The following FXYD1 variants were observed in gnomAD, a reference collection of about 807,000 sequenced individuals.
FXYD1 encodes the protein FXYD domain containing ion transport regulator 1.
Under a neutral mutation model 17.2 loss-of-function variants are expected in FXYD1, and 9 were observed. The ratio of observed to expected loss-of-function variants is 0.52; its 90% CI spans 0.32 to 0.91. The LOEUF (loss-of-function observed/expected upper bound fraction) is 0.91, where lower values mean the gene tolerates loss of function less well. Among genes scored for constraint, FXYD1 ranks in the 40% least tolerant of loss-of-function variants. The pLI, the probability that FXYD1 is intolerant of heterozygous loss-of-function variation, is 0.04. For synonymous variants in FXYD1, 55 were observed against 45.8 expected, an observed-to-expected ratio of 1.20 and a Z score of -0.81; for missense variants, 113 against 120.6, an observed-to-expected ratio of 0.94 and a Z score of 0.29.
rs371689893 is a variant in FXYD1, at chr19:35,142,445, G to T, written c.207-27G>T. On this transcript the variant is annotated intron_variant, in intron 5 of 7. Coordinates refer to ENST00000351325, the MANE Select transcript of FXYD1 (RefSeq NM_021902.4). ...GGCAGCCTCTCCCCCTTTCCATCCC[G>T]AAATCCCTCTGCCTCTGTCTTCCCA... is the stretch of plus-strand genomic sequence containing the variant. 3 of 1,584,308 alleles carry T rather than the reference G, an allele frequency of 1.9e-6. No individual in the cohort carries two copies. In the African/African-American group the frequency reaches 4.1e-5, roughly 22 times the overall value.
In FXYD1 at chr19:35,141,138, AGTCCCT is replaced by A. The variant is rs1378028588; in HGVS notation, c.103_108del (p.Ser35_Leu36del). 1 of 1,603,550 alleles carries A rather than the reference AGTCCCT, an allele frequency of 6.2e-7. No individual in the cohort carries two copies. The highest frequency in any genetic ancestry group is 8.5e-7 in the Non-Finnish European group (1 of 1,171,646). ...CCTGCTCTGCTGCTCACAGACTACCAGTCCCTGCAGATCGGAGGCCTCGTCATCGCC... is the reference window on the plus strand; with the variant it reads ...CCTGCTCTGCTGCTCACAGACTACCAGCAGATCGGAGGCCTCGTCATCGCC... On this transcript the variant is annotated inframe_deletion, in exon 4 of 8. Coordinates refer to ENST00000351325, the MANE Select transcript of FXYD1 (RefSeq NM_021902.4).
intron 5 of FXYD1, among the ~76,000 whole-genome samples, chr19:35,141,886 C>T (rs891360567): frequency 5.9e-5 from 9 of 152,244 alleles, no homozygotes; most frequent in African/African-American, 2.2e-4. Flanking sequence ...TCATCTCACA[C>T]GCGGCCCAGT....
chr19:35,141,200 G>A lies in FXYD1; in HGVS notation c.163G>A (p.Val55Met). 2 of 1,599,444 alleles carry A rather than the reference G, an allele frequency of 1.3e-6. No homozygotes were observed. The highest frequency in any genetic ancestry group is 1.7e-6 in the Non-Finnish European group (2 of 1,168,166). The change falls in exon 4 of 8, where the codon GTG (valine) becomes ATG (methionine). Residue 55 changes from valine (V) to methionine (M), a missense_variant. Val to Met is a conservative substitution (Grantham distance 21). Coordinates refer to ENST00000351325, the MANE Select transcript of FXYD1 (RefSeq NM_021902.4). ...CCTCTTCATCCTGGGCATCCTCATC[G>A]TGCTGAGTGAGTGCCCCTAGCTCCC... is the stretch of plus-strand genomic sequence containing the variant. ...GILFILGILIVLSRRCRCKFN... is the reference protein window; with the variant it reads ...GILFILGILIMLSRRCRCKFN...
chr19:35,140,640 G>T lies in FXYD1; in HGVS notation c.94+11G>T, dbSNP rs768750916. ...ACCCGTTCACTTACGGTGAGCGGGG[G>T]GTCTAATTTTGAGTCCTGGGGGAGA... On this transcript the variant is annotated intron_variant, in intron 3 of 7. Coordinates refer to ENST00000351325, the MANE Select transcript of FXYD1 (RefSeq NM_021902.4). 1.3e-5 allele frequency: 21 copies of T among 1,612,784 alleles called. No homozygotes were observed. Among genetic ancestry groups the T allele is most frequent in the South Asian group, 1.2e-4 (11 of 91,014 alleles).
Position 35,142,516 on chromosome 19 carries a change from T to C in FXYD1, c.251T>C (p.Ile84Thr). 1 of 1,613,274 alleles carries C rather than the reference T, an allele frequency of 6.2e-7. No individual in the cohort carries two copies. The highest frequency in any genetic ancestry group is 8.5e-7 in the Non-Finnish European group (1 of 1,179,464). The change falls in exon 6 of 8, where the codon ATC becomes ACC. Residue 84 changes from isoleucine (I) to threonine (T), a missense_variant. By Grantham distance (89) the Ile-to-Thr change is moderately conservative. Coordinates refer to ENST00000351325, the MANE Select transcript of FXYD1 (RefSeq NM_021902.4). ...GAGGAGGGAACTTTCCGCAGCTCCATCCGCCGTGAGTCTGGGGAGACTGCG... is the reference window on the plus strand; with the variant it reads ...GAGGAGGGAACTTTCCGCAGCTCCACCCGCCGTGAGTCTGGGGAGACTGCG... Reference protein sequence around the residue: ...DEEEGTFRSSIRRLSTRRR With the variant: ...DEEEGTFRSSTRRLSTRRR
At chr19:35,140,885 T>C (rs1259194351) in intron 3 of FXYD1, 1 of 595,724 alleles carries the variant, frequency 1.7e-6, no homozygotes, top group Non-Finnish European at 3.0e-6. Context: ...GCCCATCCTC[T>C]GCTTCTTCCC....
At chr19:35,140,515 C>A in intron 2 of FXYD1, 82 bp from the exon 3 acceptor site, 2 of 1,269,594 alleles carry the variant, frequency 1.6e-6, no homozygotes, top group Non-Finnish European at 2.3e-6. Flanking sequence ...CCCAGCAAGG[C>A]AGAGCCTCCA....
Position 35,141,765 on chromosome 19 carries a change from T to TC in FXYD1, c.206+196dup, listed in dbSNP as rs879187303. ...AACCTCCCGCCCTTCCTGGCCGAGC[T>TC]CCCAGCCTAGTGGAGGCGGTGGCCG... On this transcript the variant is annotated intron_variant, in intron 5 of 7. Coordinates refer to ENST00000351325, the MANE Select transcript of FXYD1 (RefSeq NM_021902.4). Among the ~76,000 whole-genome samples, 644 of 152,272 alleles carry TC rather than the reference T, an allele frequency of 4.2e-3. 20 individuals are homozygous for TC. The highest frequency in any genetic ancestry group is 0.038 in the Admixed American group (574 of 15,300).
Position 35,141,770 on chromosome 19 carries a change from G to A in FXYD1, c.206+198G>A, listed in dbSNP as rs180934614. Among the ~76,000 whole-genome samples, 499 of 152,324 alleles carry A rather than the reference G, an allele frequency of 3.3e-3. 3 individuals are homozygous for A. The highest frequency in any genetic ancestry group is 0.01 in the Middle Eastern group (3 of 294). On this transcript the variant is annotated intron_variant, in intron 5 of 7. Transcript: ENST00000351325. ...CCCGCCCTTCCTGGCCGAGCTCCCA[G>A]CCTAGTGGAGGCGGTGGCCGTGGGT...
Position 35,142,660 on chromosome 19 carries a change from C to T in FXYD1, c.257-60C>T, listed in dbSNP as rs1600488453. 42 of 1,580,984 alleles carry T rather than the reference C, an allele frequency of 2.7e-5. No homozygotes were observed. The South Asian group carries it at 4.7e-4, about 18-fold the overall frequency. Reference sequence around the variant, plus strand: ...GGGAGTTGCCCCGCCGCGGGCCCCACCTGCCCAGGAGCTGGGGATGCCTCT... The same window carrying T: ...GGGAGTTGCCCCGCCGCGGGCCCCATCTGCCCAGGAGCTGGGGATGCCTCT... On this transcript the variant is annotated intron_variant, in intron 6 of 7. Transcript: ENST00000351325.
rs1310981107 is a variant in FXYD1 at position 35,143,079 on chromosome 19, C to G, written c.*192C>G. The G allele has an allele frequency of 5.4e-6, 3 of 554,244 alleles. No homozygotes were observed. Among genetic ancestry groups the G allele is most frequent in the East Asian group, 3.3e-5 (1 of 30,378 alleles). The allele number at this position is 554,244 out of a possible 1,614,324, so 34.3% of individuals were successfully genotyped here. On this transcript the variant is annotated 3_prime_UTR_variant, in exon 8 of 8. Transcript: ENST00000351325. This position sits in a 1 kb window ranked among gnomAD's most constrained non-coding sequence, Gnocchi z 4.3. ...CACTTTGTCGGTCTCGGTCCCTCAG[C>G]GCGAAACGCCAGCGCCACTGGGCCC...
In FXYD1 at chr19:35,139,782, C is replaced by T. The variant is rs957329034; in HGVS notation, c.-4-294C>T. On this transcript the variant is annotated intron_variant, in intron 1 of 7. Coordinates refer to ENST00000351325, the MANE Select transcript of FXYD1 (RefSeq NM_021902.4). ...GCCCTGCCAGGGTAGGTCTGGGAAT[C>T]GGGGGCCTGCTGCGGGAGGTGGAGG... 1.9e-5 allele frequency: 7 copies of T among 362,814 alleles called. No homozygotes were observed. In the East Asian group the frequency reaches 2.8e-4, roughly 15 times the overall value. The allele number at this position is 362,814 out of a possible 1,614,324, so 22.5% of individuals were successfully genotyped here. A position where few individuals can be genotyped will look rare whatever the true frequency, so the allele number is the denominator to read the frequency against.
chr19:35,142,261 G>A, intron 5 of FXYD1: 1 of 479,552 alleles, frequency 2.1e-6, no homozygotes, highest in Non-Finnish European at 3.7e-6. Flanking sequence ...AATCCGCGGA[G>A]GTACTCACTG....
chr19:35,143,106 A>C lies in FXYD1; in HGVS notation c.*219A>C. On this transcript the variant is annotated 3_prime_UTR_variant, in exon 8 of 8. Transcript: ENST00000351325. The surrounding 1 kb of genome is among the most constrained non-coding windows in gnomAD (Gnocchi z 4.3). ...CGAAACGCCAGCGCCACTGGGCCCC[A>C]GCAGGGGGCGCCCCACCCTAGAGGA... The C allele has an allele frequency of 1.9e-6, 1 of 540,264 alleles. No individual in the cohort carries two copies. The highest frequency in any genetic ancestry group is 3.2e-6 in the Non-Finnish European group (1 of 308,958). The allele number at this position is 540,264 out of a possible 1,614,324, so 33.5% of individuals were successfully genotyped here.
intron 1 of FXYD1, 110 bp downstream of exon 1, chr19:35,139,004 G>T (rs2065226187): frequency 6.6e-6 from 1 of 152,406 alleles, no homozygotes; most frequent in Admixed American, 6.5e-5. Context: ...GCCAACCCAA[G>T]AGGGAGGGAG....
chr19:35,142,219 C>T, intron 5 of FXYD1: 1 of 440,970 alleles, frequency 2.3e-6, no homozygotes, highest in South Asian at 4.2e-5. Context: ...CATGACTATC[C>T]CTCCCCCACC....
At chr19:35,141,454 G>A (rs760334574) in intron 4 of FXYD1, 82 bp from the exon 5 acceptor site, 5 of 1,135,134 alleles carry the variant, frequency 4.4e-6, no homozygotes, top group East Asian at 5.4e-5. Context: ...CCCGCCCCTC[G>A]CGAGGGCGAG....
chr19:35,137,936 T>C (rs2065218705), upstream of FXYD1: 1 of 152,272 alleles, frequency 6.6e-6, no homozygotes, highest in Non-Finnish European at 1.5e-5. Context: ...TGGCCATGTT[T>C]GGCCATGCAT....
chr19:35,142,175 A>G lies in FXYD1; in HGVS notation c.207-297A>G, dbSNP rs927894894. On this transcript the variant is annotated intron_variant, in intron 5 of 7. Transcript: ENST00000351325. ...GAAGATGGGGGGTTCTGGGTTTCCA[A>G]CCCAGGCCATCTCATGGCAGTCTGC... 4 of 346,594 alleles carry G rather than the reference A, an allele frequency of 1.2e-5. No homozygotes were observed. The South Asian group carries it at 2.9e-4, about 25-fold the overall frequency. The allele number at this position is 346,594 out of a possible 1,614,324, so 21.5% of individuals were successfully genotyped here. A position where few individuals can be genotyped will look rare whatever the true frequency, so the allele number is the denominator to read the frequency against.
Sources: allele counts gnomAD v4.1 joint callset (sites outside exome capture counted in the v4.1 genomes callset), GRCh38; gene constraint gnomAD v4.1.1; non-coding constraint Gnocchi (gnomAD v3.1); transcripts MANE v1.5; gene names NCBI Gene and HGNC (gene_info 2026-07-23, HGNC 2026-07-21).